The following STK31 variants were observed in gnomAD, a reference collection of about 807,000 sequenced individuals.
STK31 encodes the protein serine/threonine kinase 31.
Under a neutral mutation model 129.7 loss-of-function variants are expected in STK31, and 89 were observed. The observed-to-expected ratio is 0.69, with a 90% CI of 0.58 to 0.82. STK31 has a LOEUF of 0.82. Among genes scored for constraint, STK31 ranks in the 40% least tolerant of loss-of-function variants. The pLI is 0.00. For synonymous variants in STK31, 448 were observed against 395.3 expected (o/e 1.13, Z -1.58); for missense variants, 1,187 against 1,176.4 (o/e 1.01, Z -0.13).
chr7:23,777,216 A>T (rs1054893269), intron 15 of STK31, among the ~76,000 whole-genome samples: 2 of 152,020 alleles, frequency 1.3e-5, no homozygotes, highest in African/African-American at 4.8e-5. Context: ...GTTCTTTTCC[A>T]TTTGCCAGGA....
intron 10 of STK31, among the ~76,000 whole-genome samples, chr7:23,756,287 G>A (rs1789079972): frequency 6.6e-6 from 1 of 152,048 alleles, no homozygotes; most frequent in Admixed American, 6.5e-5. Flanking sequence ...TCATGATTTG[G>A]CTCTTTGCTT....
intron 22 of STK31, among the ~76,000 whole-genome samples, chr7:23,791,486 G>C (rs1791614378): frequency 1.3e-5 from 2 of 152,128 alleles, no homozygotes; most frequent in South Asian, 4.1e-4. Context: ...TGGGAGAAAG[G>C]TAAGGATTGA....
chr7:23,813,808 G>A (rs1041693335), intron 22 of STK31, among the ~76,000 whole-genome samples: 7 of 152,092 alleles, frequency 4.6e-5, no homozygotes, highest in African/African-American at 1.4e-4. Flanking sequence ...TCCTATGACC[G>A]ATGCAGAATA....
intron 10 of STK31, chr7:23,754,987 T>C (rs1410219384): frequency 7.2e-5 from 11 of 152,392 alleles, no homozygotes; most frequent in Non-Finnish European, 1.5e-5. Context: ...TATAGTAGAA[T>C]GATCTATATT....
At chr7:23,713,740 C>CCCAT (rs1283313079) in intron 3 of STK31, among the ~76,000 whole-genome samples, 1 of 152,022 alleles carries the variant, frequency 6.6e-6, no homozygotes, top group African/African-American at 2.4e-5. Flanking sequence ...CAGTAATGTG[C>CCCAT]ATGGAGCTGT....
chr7:23,733,311 G>T (rs574360770), intron 6 of STK31, among the ~76,000 whole-genome samples: 8 of 152,096 alleles, frequency 5.3e-5, no homozygotes, highest in African/African-American at 1.9e-4. Context: ...AGCTACTTAG[G>T]AGGCTGAAGT....
At position 23,735,606 on chromosome 7, in the gene STK31, A is replaced by C; in HGVS notation, c.552A>C (p.Glu184Asp). 1 of 1,613,832 alleles carries C rather than the reference A, an allele frequency of 6.2e-7. No homozygotes were observed. Among genetic ancestry groups the C allele is most frequent in the African/African-American group, 1.3e-5 (1 of 75,040 alleles). ...EIKMRIKATS[E>D]DGTVIAQAEY... is the part of the protein sequence containing the mutation. ...AAATGAGAATTAAAGCAACCTCTGA[A>C]GATGGAACAGTTATTGCTCAGGCTG... The change falls in exon 7 of 24, where the codon GAA becomes GAC. Residue 184 changes from glutamate (E) to aspartate (D), a missense_variant. Around this residue, in one of 5 missense-constraint regions of STK31, gnomAD observed 103 missense variants for 110.4 expected, o/e 0.93. Coordinates refer to ENST00000355870, the MANE Select transcript of STK31 (RefSeq NM_031414.5).
At chr7:23,782,421 A>G (rs1284213326) in intron 16 of STK31, among the ~76,000 whole-genome samples, 3 of 145,332 alleles carry the variant, frequency 2.1e-5, no homozygotes, top group Admixed American at 7.1e-5. Flanking sequence ...GCATTGAGCT[A>G]TGATCATGCC....
At chr7:23,745,307 A>G (rs1788283093) in intron 8 of STK31, among the ~76,000 whole-genome samples, 1 of 152,138 alleles carries the variant, frequency 6.6e-6, no homozygotes, top group African/African-American at 2.4e-5. Flanking sequence ...CCTCAGGTCC[A>G]GGTGGTGAGT....
chr7:23,754,890 A>G (rs1450741907), intron 10 of STK31, among the ~76,000 whole-genome samples: 1 of 152,182 alleles, frequency 6.6e-6, no homozygotes, highest in African/African-American at 2.4e-5. Flanking sequence ...TTCTTTATCC[A>G]GTCTATCGTT....
At chr7:23,783,505 A>G in intron 16 of STK31, 78 bp from the exon 17 acceptor site, 1 of 1,020,490 alleles carries the variant, frequency 9.8e-7, no homozygotes, top group Non-Finnish European at 1.5e-6. Context: ...AGATGCTGAT[A>G]TATTTTCCTG....
At chr7:23,814,130 C>T (rs1793319328) in intron 22 of STK31, among the ~76,000 whole-genome samples, 1 of 130,524 alleles carries the variant, frequency 7.7e-6, no homozygotes. Flanking sequence ...AGTTGGGAAA[C>T]ATCAGATCTG....
chr7:23,717,705 A>G (rs1786435429), intron 4 of STK31, 126 bp downstream of exon 4: 3 of 668,802 alleles, frequency 4.5e-6, no homozygotes, highest in Admixed American at 5.8e-5. Context: ...ATTTGTATAA[A>G]CTACTGTTAT....
chr7:23,801,159 T>A (rs912253851), intron 22 of STK31, among the ~76,000 whole-genome samples: 7 of 152,222 alleles, frequency 4.6e-5, no homozygotes, highest in African/African-American at 1.7e-4. Flanking sequence ...GCTGTACTGT[T>A]TTTGATTTTC....
At chr7:23,733,282 G>A (rs943807527) in intron 6 of STK31, among the ~76,000 whole-genome samples, 3 of 152,034 alleles carry the variant, frequency 2.0e-5, no homozygotes, top group Non-Finnish European at 4.4e-5. Flanking sequence ...CTAGGCACAG[G>A]GTGTGTGCCT....
At chr7:23,829,380 G>A (rs549846587) in intron 23 of STK31, among the ~76,000 whole-genome samples, 67 of 152,210 alleles carry the variant, frequency 4.4e-4, no homozygotes, top group Non-Finnish European at 7.1e-4. Flanking sequence ...TATTGAGATC[G>A]TTTGCCATAT....
At chr7:23,710,919 A>G (rs539212961) in intron 1 of STK31, 5 of 565,326 alleles carry the variant, frequency 8.8e-6, no homozygotes, top group Middle Eastern at 8.9e-4. Context: ...AAGTTATTAC[A>G]GCTTTTCAGT....
intron 8 of STK31, among the ~76,000 whole-genome samples, chr7:23,752,230 A>G (rs939351618): frequency 6.6e-5 from 10 of 152,224 alleles, no homozygotes; most frequent in African/African-American, 2.4e-4. Flanking sequence ...GTGATAATGT[A>G]TAGTTTGTTT....
chr7:23,752,976 T>TTTC, intron 9 of STK31, 144 bp downstream of exon 9: 1 of 610,934 alleles, frequency 1.6e-6, no homozygotes, highest in Non-Finnish European at 2.9e-6. Flanking sequence ...AGATAGTTAT[T>TTTC]TCTGAGATGA....
Sources: gnomAD v4.1 joint callset for allele counts (sites outside exome capture counted in the v4.1 genomes callset) on GRCh38, gnomAD v4.1.1 for gene constraint, gnomAD v4.1.1 regional missense constraint, MANE v1.5 for transcripts, NCBI Gene and HGNC (gene_info 2026-07-23, HGNC 2026-07-21) for gene names.